The following HERC2 variants were observed in gnomAD, a reference collection of about 807,000 sequenced individuals.
HERC2 encodes HECT and RLD domain containing E3 ubiquitin protein ligase 2, also known as E3 ubiquitin-protein ligase HERC2.
HERC2 carries 102 observed loss-of-function variants against 537.7 expected under a neutral mutation model. That is an observed-to-expected ratio of 0.19 (90% CI 0.16 to 0.22). HERC2 has a LOEUF of 0.22. HERC2 is among the 10% of genes least tolerant of loss of function. The probability of loss-of-function intolerance (pLI) is 1.00; values close to 1 mark genes in which losing one functional copy is unlikely to be tolerated. For missense variants in HERC2, 4,236 were observed against 6,198.2 expected (o/e 0.68, Z 10.63); for synonymous variants, 2,224 against 2,466.2 (o/e 0.90, Z 2.91).
chr15:28,146,135 C>T, intron 71 of HERC2, 102 bp downstream of exon 71: 1 of 800,864 alleles, frequency 1.2e-6, no homozygotes. Flanking sequence ...TTAAGACTTC[C>T]ATGAGAATAC....
rs140162856 is a variant in HERC2 at position 28,177,371 on chromosome 15, C to G, written c.9254+48G>C. Reference sequence around the variant, plus strand: ...CAAAATAATTCTCAAGAGTATCAGTCAGAAACAGTTTCTTATTAGCAAATG... The same window carrying G: ...CAAAATAATTCTCAAGAGTATCAGTGAGAAACAGTTTCTTATTAGCAAATG... On this transcript the variant is annotated intron_variant, in intron 60 of 92. Coordinates refer to ENST00000261609, the MANE Select transcript of HERC2 (RefSeq NM_004667.6). The surrounding 1 kb of genome is among the most constrained non-coding windows in gnomAD (Gnocchi z 5.0). 4,831 of 1,528,108 alleles carry G rather than the reference C, an allele frequency of 3.2e-3. 214 individuals carry two copies. The Admixed American group carries it at 0.069, about 22-fold the overall frequency. The allele number at this position is 1,528,108 out of a possible 1,614,324, so 94.7% of individuals were successfully genotyped here.
Position 28,115,365 on chromosome 15 carries a change from C to G in HERC2, c.13722+64G>C, listed in dbSNP as rs566977138. The G allele has an allele frequency of 5.9e-4, 660 of 1,113,556 alleles. 1 individual carries two copies. Among genetic ancestry groups the G allele is most frequent in the Non-Finnish European group, 7.9e-4 (602 of 759,692 alleles). The allele number at this position is 1,113,556 out of a possible 1,614,324, so 69.0% of individuals were successfully genotyped here. On this transcript the variant is annotated intron_variant, in intron 89 of 92. Coordinates refer to ENST00000261609, the MANE Select transcript of HERC2 (RefSeq NM_004667.6). ...CCAGAGTTCACAGCCTGACCGGACC[C>G]GCAGAACAGACTGTGCCTGTTAACA...
intron 2 of HERC2, among the ~76,000 whole-genome samples, chr15:28,318,744 C>G (rs1279600327): frequency 2.0e-5 from 3 of 152,036 alleles, no homozygotes; most frequent in Non-Finnish European, 4.4e-5. Context: ...CCTGACGTAT[C>G]CAAATAATGT....
At chr15:28,248,503 A>G in intron 21 of HERC2, 49 bp downstream of exon 21, 1 of 1,446,424 alleles carries the variant, frequency 6.9e-7, no homozygotes, top group Non-Finnish European at 9.7e-7. Context: ...AGCCTAAAGT[A>G]ACGAGCCCCG....
chr15:28,195,791 A>G (rs1897297540), intron 52 of HERC2, among the ~76,000 whole-genome samples: 1 of 152,206 alleles, frequency 6.6e-6, no homozygotes, highest in Non-Finnish European at 1.5e-5. Flanking sequence ...AAGGTACTTA[A>G]TACCCTGAAT....
intron 44 of HERC2, among the ~76,000 whole-genome samples, chr15:28,208,462 C>A (rs1375375019): frequency 6.6e-6 from 1 of 152,048 alleles, no homozygotes; most frequent in Non-Finnish European, 1.5e-5. Context: ...AATTCTCCAT[C>A]TCTGTCATCT....
At chr15:28,188,006 T>C (rs1896477636) in intron 55 of HERC2, among the ~76,000 whole-genome samples, 2 of 152,026 alleles carry the variant, frequency 1.3e-5, no homozygotes, top group Admixed American at 6.6e-5. Context: ...AACCTCAAGA[T>C]CTACCATTTC....
At chr15:28,308,340 T>G (rs1242622530) in intron 2 of HERC2, among the ~76,000 whole-genome samples, 3 of 152,212 alleles carry the variant, frequency 2.0e-5, no homozygotes, top group African/African-American at 7.2e-5. Flanking sequence ...ACTTTTCTAA[T>G]TTCTTTTTCA....
At chr15:28,155,057 G>A (rs1892853588) in intron 69 of HERC2, among the ~76,000 whole-genome samples, 2 of 151,548 alleles carry the variant, frequency 1.3e-5, no homozygotes, top group South Asian at 2.1e-4. Context: ...GAGAATGATG[G>A]TTTCCAGCTC....
At position 28,248,678 on chromosome 15, in the gene HERC2, A is replaced by T; in HGVS notation, c.3109T>A (p.Cys1037Ser). 1 of 1,614,158 alleles carries T rather than the reference A, an allele frequency of 6.2e-7. No individual in the cohort carries two copies. The highest frequency in any genetic ancestry group is 8.5e-7 in the Non-Finnish European group (1 of 1,179,962). Residue 1037 changes from cysteine (C) to serine (S), a missense_variant, in exon 21 of 93, where the codon TGT becomes AGT. By Grantham distance (112) the Cys-to-Ser change is moderately radical. This residue lies in a region of HERC2 where 754 missense variants were observed against 1,085.0 expected (regional missense o/e 0.69). Coordinates refer to ENST00000261609, the MANE Select transcript of HERC2 (RefSeq NM_004667.6). ...LKDVARRISS[C>S]LDFEQHSRER... ...CGACTGTGTTGCTCAAAGTCCAGAC[A>T]TGATGAAATCCGACGGGCAACATCT... is the stretch of plus-strand genomic sequence containing the variant.
intron 52 of HERC2, among the ~76,000 whole-genome samples, chr15:28,193,600 T>A (rs1257364994): frequency 6.6e-6 from 1 of 152,022 alleles, no homozygotes; most frequent in Non-Finnish European, 1.5e-5. Flanking sequence ...ACAACAGATA[T>A]CATGCCCCAG....
chr15:28,192,930 C>CT (rs5741739), intron 52 of HERC2, among the ~76,000 whole-genome samples: 10,363 of 148,068 alleles, frequency 0.07, 872 homozygotes, highest in East Asian at 0.42. Context: ...TTGGGTTTCC[C>CT]TTTTTTTTTT....
chr15:28,214,901 C>G, intron 39 of HERC2, 99 bp from the exon 40 acceptor site: 1 of 1,003,204 alleles, frequency 1.0e-6, no homozygotes. Flanking sequence ...GAGACAGAGT[C>G]TCACACTGTC....
intron 4 of HERC2, among the ~76,000 whole-genome samples, chr15:28,284,426 G>A (rs1229996488): frequency 6.6e-6 from 1 of 152,040 alleles, no homozygotes; most frequent in East Asian, 1.9e-4. Context: ...AATGTAAACA[G>A]TCTAAATGCA....
At chr15:28,269,929 G>A (rs1334955018) in intron 10 of HERC2, among the ~76,000 whole-genome samples, 2 of 152,210 alleles carry the variant, frequency 1.3e-5, no homozygotes, top group Non-Finnish European at 2.9e-5. Flanking sequence ...CATGTTCCAG[G>A]TCAGGCCTTG....
intron 44 of HERC2, among the ~76,000 whole-genome samples, chr15:28,207,141 T>C (rs1473243494): frequency 7.4e-6 from 1 of 136,042 alleles, no homozygotes; most frequent in Non-Finnish European, 1.5e-5. Flanking sequence ...GGTCTGATTC[T>C]TTCTCTTTTC....
chr15:28,305,972 T>A (rs1322608546), intron 2 of HERC2, among the ~76,000 whole-genome samples: 5 of 152,100 alleles, frequency 3.3e-5, no homozygotes, highest in African/African-American at 1.2e-4. Context: ...TCAAAACCAC[T>A]ATGAGATACC....
intron 2 of HERC2, among the ~76,000 whole-genome samples, chr15:28,316,269 C>T (rs371143360): frequency 1.7e-4 from 23 of 139,140 alleles, no homozygotes; most frequent in East Asian, 7.9e-4. Flanking sequence ...CAAAGTCCTA[C>T]GGCTAAACCC....
At chr15:28,282,820 T>C (rs961609796) in intron 4 of HERC2, among the ~76,000 whole-genome samples, 44 of 151,908 alleles carry the variant, frequency 2.9e-4, no homozygotes, top group African/African-American at 9.7e-4. Flanking sequence ...TAATCCCAGC[T>C]ACTCGAGAGG....
Sources: gnomAD v4.1 joint callset for allele counts (sites outside exome capture counted in the v4.1 genomes callset) on GRCh38, gnomAD v4.1.1 for gene constraint, gnomAD v4.1.1 regional missense constraint, Gnocchi (gnomAD v3.1) non-coding constraint, MANE v1.5 for transcripts, NCBI Gene and HGNC (gene_info 2026-07-23, HGNC 2026-07-21) for gene names.